SLC12A6: variants seen among roughly 807,000 people sequenced by gnomAD.
SLC12A6 encodes solute carrier family 12 member 6.
Under a neutral mutation model 135.3 loss-of-function variants are expected in SLC12A6, and 66 were observed. The observed-to-expected ratio is 0.49, with a 90% CI of 0.40 to 0.60. The LOEUF (loss-of-function observed/expected upper bound fraction) is 0.60. SLC12A6 is among the 20% of genes least tolerant of loss of function. The pLI, the probability that SLC12A6 is intolerant of heterozygous loss-of-function variation, is 0.00. For synonymous variants in SLC12A6, 513 were observed against 508.8 expected, an observed-to-expected ratio of 1.01 and a Z score of -0.11; for missense variants, 1,058 against 1,452.3, an observed-to-expected ratio of 0.73 and a Z score of 4.41.
intron 2 of SLC12A6, among the ~76,000 whole-genome samples, chr15:34,282,981 T>C (rs1307603364): frequency 6.6e-6 from 1 of 152,202 alleles, no homozygotes; most frequent in African/African-American, 2.4e-5. Context: ...TTTTTCCATG[T>C]GCTAGGGATA....
rs187305425 is a variant in SLC12A6, at chr15:34,333,622, C to T, written c.271+2788G>A. On this transcript the variant is annotated intron_variant, in intron 2 of 25. Transcript: ENST00000354181. ...GGCGTTCTTCATACATAAGCTAATA[C>T]ACTGCTAAGATTCTTGATTTTACCA... is the stretch of plus-strand genomic sequence containing the variant. Among the ~76,000 whole-genome samples, 670 of 152,310 alleles carry T rather than the reference C, an allele frequency of 4.4e-3. 1 individual carries two copies. The highest frequency in any genetic ancestry group is 5.4e-3 in the Non-Finnish European group (364 of 68,018).
At position 34,250,935 on chromosome 15, in the gene SLC12A6, T is replaced by C; in HGVS notation, c.1456A>G (p.Thr486Ala). 1 of 1,612,178 alleles carries C rather than the reference T, an allele frequency of 6.2e-7. No homozygotes were observed. Among genetic ancestry groups the C allele is most frequent in the South Asian group, 1.1e-5 (1 of 91,030 alleles). Residue 486 changes from threonine to alanine, a missense_variant, in exon 11 of 26, where the codon ACG (threonine) becomes GCG (alanine). Thr to Ala is a moderately conservative substitution (Grantham distance 58, BLOSUM62 0). Around this residue, in one of 6 missense-constraint regions of SLC12A6, gnomAD observed 297 missense variants for 318.5 expected, o/e 0.93. Transcript: ENST00000354181. Reference protein sequence around the residue: ...YVLVDITTSFTLLVGIFFPSV... With the variant: ...YVLVDITTSFALLVGIFFPSV... ...GGAAAGAAGATTCCCACCAGAAGCG[T>C]GAAGGAGGTGGTGATGTCAACAAGA...
chr15:34,292,599 G>A (rs895474641), intron 2 of SLC12A6, among the ~76,000 whole-genome samples: 9 of 152,194 alleles, frequency 5.9e-5, no homozygotes, highest in South Asian at 2.1e-4. Flanking sequence ...GCCCCCAGAG[G>A]TGGAATCTAG....
chr15:34,331,816 C>A (rs1027362919), intron 2 of SLC12A6, among the ~76,000 whole-genome samples: 1 of 152,142 alleles, frequency 6.6e-6, no homozygotes, highest in South Asian at 2.1e-4. Flanking sequence ...GAGGACATGA[C>A]TCCTTAAAGA....
rs553395543 is a variant in SLC12A6, at chr15:34,266,184, A to G, written c.317-5164T>C. ...TAAAATCTAGACATATACTATTTAT[A>G]AGAGATATAAGGACATACAAAAGCT... is the stretch of plus-strand genomic sequence containing the variant. On this transcript the variant is annotated intron_variant, in intron 3 of 25. Coordinates refer to ENST00000354181, the MANE Select transcript of SLC12A6 (RefSeq NM_001365088.1). Among the ~76,000 whole-genome samples, 7 of 152,234 alleles carry G rather than the reference A, an allele frequency of 4.6e-5. No individual in the cohort carries two copies. In the East Asian group the frequency reaches 1.4e-3, roughly 29 times the overall value.
chr15:34,329,245 T>C (rs924918624), intron 2 of SLC12A6, among the ~76,000 whole-genome samples: 1 of 152,222 alleles, frequency 6.6e-6, no homozygotes, highest in Non-Finnish European at 1.5e-5. Flanking sequence ...GAAGTCATGA[T>C]GGCTCAGGGC....
intron 2 of SLC12A6, among the ~76,000 whole-genome samples, chr15:34,283,570 C>T (rs1894827299): frequency 6.6e-6 from 1 of 151,768 alleles, no homozygotes; most frequent in African/African-American, 2.4e-5. Flanking sequence ...TGTGAGAAGA[C>T]CCTAAGATGG....
chr15:34,301,455 G>C (rs1014500960), intron 2 of SLC12A6, among the ~76,000 whole-genome samples: 4 of 152,196 alleles, frequency 2.6e-5, no homozygotes, highest in African/African-American at 9.7e-5. Context: ...CAGAATGCTA[G>C]AGAAGGAAAC....
At chr15:34,319,736 T>C (rs998648082) in intron 2 of SLC12A6, among the ~76,000 whole-genome samples, 1 of 151,422 alleles carries the variant, frequency 6.6e-6, no homozygotes, top group Non-Finnish European at 1.5e-5. Context: ...GAGGCGGAGA[T>C]TGCAGTGAGC....
At chr15:34,241,916 T>G (rs965400563) in intron 17 of SLC12A6, among the ~76,000 whole-genome samples, 186 bp downstream of exon 17, 1 of 152,240 alleles carries the variant, frequency 6.6e-6, no homozygotes, top group Non-Finnish European at 1.5e-5. Flanking sequence ...CATTCATACT[T>G]TCTCAATGGA....
intron 17 of SLC12A6, among the ~76,000 whole-genome samples, chr15:34,241,676 C>T (rs528292333): frequency 6.6e-6 from 1 of 152,266 alleles, no homozygotes; most frequent in South Asian, 2.1e-4. Context: ...GAAAATAATG[C>T]AGAGAAAGTA....
chr15:34,304,683 T>C (rs2141031452), intron 2 of SLC12A6, among the ~76,000 whole-genome samples: 1 of 152,348 alleles, frequency 6.6e-6, no homozygotes, highest in Admixed American at 6.5e-5. Context: ...CTTTTTCCTC[T>C]CCTCACCTTA....
intron 3 of SLC12A6, among the ~76,000 whole-genome samples, chr15:34,267,916 T>C (rs1398111661): frequency 6.6e-6 from 1 of 152,088 alleles, no homozygotes; most frequent in Non-Finnish European, 1.5e-5. Context: ...CTTTTTTATA[T>C]CTATATATAT....
intron 2 of SLC12A6, among the ~76,000 whole-genome samples, chr15:34,321,530 A>G (rs573109688): frequency 6.6e-6 from 1 of 152,306 alleles, no homozygotes; most frequent in East Asian, 1.9e-4. Flanking sequence ...ACTTTCATAC[A>G]CTGTTGTTGG....
intron 2 of SLC12A6, among the ~76,000 whole-genome samples, chr15:34,276,020 T>C (rs1267351870): frequency 6.6e-6 from 1 of 152,160 alleles, no homozygotes; most frequent in African/African-American, 2.4e-5. Flanking sequence ...TGAGAAATTC[T>C]GGAAACAGAT....
chr15:34,318,868 C>A, intron 2 of SLC12A6: 1 of 1,423,454 alleles, frequency 7.0e-7, no homozygotes, highest in Admixed American at 2.4e-5. Context: ...CTTGAAGACA[C>A]GCCTTCCACA....
intron 13 of SLC12A6, 140 bp from the exon 14 acceptor site, chr15:34,246,007 A>C (rs1891960901): frequency 1.4e-6 from 1 of 726,218 alleles, no homozygotes; most frequent in Non-Finnish European, 2.5e-6. Context: ...ATCTTGGCTC[A>C]CTCCAAACTC....
chr15:34,250,157 G>A (rs1892286280), intron 13 of SLC12A6, 141 bp downstream of exon 13: 1 of 728,126 alleles, frequency 1.4e-6, no homozygotes, highest in Non-Finnish European at 2.5e-6. Context: ...CACCTGCCTT[G>A]GCCTCCCAAA....
At chr15:34,234,283 A>G (rs1891107131) in intron 25 of SLC12A6, among the ~76,000 whole-genome samples, 1 of 152,230 alleles carries the variant, frequency 6.6e-6, no homozygotes, top group South Asian at 2.1e-4. Flanking sequence ...CAAGATTCCT[A>G]GAGAGAACCC....
Sources: allele counts gnomAD v4.1 joint callset (sites outside exome capture counted in the v4.1 genomes callset), GRCh38; gene constraint gnomAD v4.1.1; regional missense constraint gnomAD v4.1.1; transcripts MANE v1.5; gene names NCBI Gene and HGNC (gene_info 2026-07-23, HGNC 2026-07-21).